The following PIGH variants were observed in gnomAD, a reference collection of about 807,000 sequenced individuals.
PIGH encodes the protein phosphatidylinositol glycan anchor biosynthesis class H.
Under a neutral mutation model 20.1 loss-of-function variants are expected in PIGH, and 11 were observed. That is an observed-to-expected ratio of 0.55 (90% CI 0.34 to 0.91). PIGH has a LOEUF of 0.91. Ranked by LOEUF, PIGH falls within the 40% of genes least tolerant of loss-of-function variation. PIGH has a pLI of 0.02. For synonymous variants in PIGH, 72 were observed against 93.1 expected (o/e 0.77, Z 1.31); for missense variants, 189 against 233.6 (o/e 0.81, Z 1.24).
intron 1 of PIGH, among the ~76,000 whole-genome samples, chr14:67,597,352 C>T (rs2036493413): frequency 6.6e-6 from 1 of 152,102 alleles, no homozygotes; most frequent in South Asian, 2.1e-4. Flanking sequence ...GTGGCACATG[C>T]CTGTAGTCCC....
Position 67,590,158 on chromosome 14 carries a change from C to T in PIGH, c.489G>A (p.Arg163=), listed in dbSNP as rs754777654. ...TGTATACTTCAATCAAGCAGTCCAG[C>T]CGGGGCTTGGCACTCTGAATTCCAA... The part of the protein sequence containing the change: ...VVPVFQSAKP[R]LDCLIEVYRS... Residue 163 remains arginine, a synonymous_variant, in exon 4 of 4, where the codon CGG becomes CGA. Coordinates refer to ENST00000216452, the MANE Select transcript of PIGH (RefSeq NM_004569.5). The T allele has an allele frequency of 1.3e-6, 2 of 1,550,482 alleles. No homozygotes were observed. Among genetic ancestry groups the T allele is most frequent in the Non-Finnish European group, 1.7e-6 (2 of 1,146,658 alleles).
At chr14:67,592,318 T>C (rs2036387397) in intron 3 of PIGH, 1 of 436,268 alleles carries the variant, frequency 2.3e-6, no homozygotes, top group Non-Finnish European at 4.2e-6. Flanking sequence ...TGCACACCTG[T>C]AGTCCCAAGT....
chr14:67,590,409 C>G (rs952846814), intron 3 of PIGH, among the ~76,000 whole-genome samples: 1 of 152,002 alleles, frequency 6.6e-6, no homozygotes, highest in Non-Finnish European at 1.5e-5. Flanking sequence ...CTCGCCACCA[C>G]GCCCAGTGGC....
chr14:67,594,628 G>A (rs562306958), intron 1 of PIGH, among the ~76,000 whole-genome samples: 12 of 151,670 alleles, frequency 7.9e-5, no homozygotes, highest in African/African-American at 2.9e-4. Context: ...ACTCCAGCCT[G>A]ATGACAGAGT....
intron 1 of PIGH, among the ~76,000 whole-genome samples, chr14:67,597,251 G>A (rs1311682348): frequency 1.3e-5 from 2 of 152,252 alleles, no homozygotes; most frequent in African/African-American, 4.8e-5. Flanking sequence ...GCCAACATGG[G>A]GGGATCGCTT....
rs1751035094 is a variant in PIGH at position 67,589,478 on chromosome 14, A to G, written c.*602T>C. ...GAAAAGTATTAATGTGCTTGACACC[A>G]TGACTGAAATACTATGATCTTGTTT... On this transcript the variant is annotated 3_prime_UTR_variant, in exon 4 of 4. Coordinates refer to ENST00000216452, the MANE Select transcript of PIGH (RefSeq NM_004569.5). 3 of 985,226 alleles carry G rather than the reference A, an allele frequency of 3.0e-6. No individual in the cohort carries two copies. The highest frequency in any genetic ancestry group is 3.6e-6 in the Non-Finnish European group (3 of 829,708). 61.0% of individuals were successfully genotyped at this position (985,226 alleles called of 1,614,324 possible). A position where few individuals can be genotyped will look rare whatever the true frequency, so the allele number is the denominator to read the frequency against.
At chr14:67,599,867 G>A (rs1463906165) in intron 1 of PIGH, among the ~76,000 whole-genome samples, 157 bp downstream of exon 1, 1 of 152,208 alleles carries the variant, frequency 6.6e-6, no homozygotes, top group Non-Finnish European at 1.5e-5. Context: ...CTGTCCAGCA[G>A]CGGAATATCG....
chr14:67,599,700 T>C (rs1003993325), intron 1 of PIGH, among the ~76,000 whole-genome samples: 6 of 152,222 alleles, frequency 3.9e-5, no homozygotes, highest in African/African-American at 1.4e-4. Context: ...ATTAAATTAC[T>C]GCGCGCCTAT....
intron 1 of PIGH, among the ~76,000 whole-genome samples, chr14:67,594,367 A>G (rs1156732452): frequency 6.6e-6 from 1 of 152,188 alleles, no homozygotes; most frequent in Non-Finnish European, 1.5e-5. Flanking sequence ...GAAAGGACCC[A>G]GCCGAGTGAG....
intron 1 of PIGH, among the ~76,000 whole-genome samples, chr14:67,599,699 C>T (rs1482681637): frequency 1.3e-5 from 2 of 152,190 alleles, no homozygotes; most frequent in African/African-American, 4.8e-5. Context: ...AATTAAATTA[C>T]TGCGCGCCTA....
At chr14:67,593,973 A>T in intron 1 of PIGH, 21 bp from the exon 2 acceptor site, 2 of 1,542,984 alleles carry the variant, frequency 1.3e-6, no homozygotes, top group South Asian at 2.3e-5. Context: ...AGCCAGACAC[A>T]GACAGTAAGA....
In PIGH at chr14:67,600,093, CGA is replaced by C. The variant is rs1197884504; in HGVS notation, c.109_110del (p.Ser37AlafsTer49). ...AGGTGACAGCGGTGAGCGAACGCAG[CGA>C]GAGCCGAGGGCAGCTGAGGCAGAAT... ...REFCLSCPRL[S>X]LRSLTAVTCT... On this transcript the variant is annotated frameshift_variant, in exon 1 of 4. Transcript: ENST00000216452. LOFTEE classifies it high-confidence loss of function. The C allele has an allele frequency of 6.3e-7, 1 of 1,595,172 alleles. No individual in the cohort carries two copies. Among genetic ancestry groups the C allele is most frequent in the Non-Finnish European group, 8.5e-7 (1 of 1,171,258 alleles).
At chr14:67,593,540 A>G (rs1173756117) in intron 2 of PIGH, 1 of 550,332 alleles carries the variant, frequency 1.8e-6, no homozygotes, top group African/African-American at 1.9e-5. Context: ...AATGCCAGTG[A>G]TAATTTTGAA....
At position 67,593,589 on chromosome 14, in the gene PIGH, T is replaced by G. The variant is rs972185235; in HGVS notation, c.390+154A>C. ...ATAAAGTTGAAATGCTAATTCCCTATCCATGAAAACCTGCTGCATCTCTTT... is the reference window on the plus strand; with the variant it reads ...ATAAAGTTGAAATGCTAATTCCCTAGCCATGAAAACCTGCTGCATCTCTTT... On this transcript the variant is annotated intron_variant, in intron 2 of 3. Coordinates refer to ENST00000216452, the MANE Select transcript of PIGH (RefSeq NM_004569.5). 9 of 588,600 alleles carry G rather than the reference T, an allele frequency of 1.5e-5. No individual in the cohort carries two copies. The African/African-American group carries it at 1.7e-4, about 11-fold the overall frequency. 36.5% of individuals were successfully genotyped at this position (588,600 alleles called of 1,614,324 possible).
chr14:67,593,473 A>G (rs2036413357), intron 2 of PIGH: 1 of 370,074 alleles, frequency 2.7e-6, no homozygotes, highest in East Asian at 6.1e-5. Context: ...CCTGGGCAAC[A>G]GAGTGAGACC....
chr14:67,596,864 G>A (rs922360647), intron 1 of PIGH, among the ~76,000 whole-genome samples: 2 of 152,216 alleles, frequency 1.3e-5, no homozygotes, highest in South Asian at 2.1e-4. Flanking sequence ...TGCTATATTC[G>A]GAACTGAGGA....
chr14:67,592,722 TA>T lies in PIGH; in HGVS notation c.391-5del. ...AGAGGTAGTAAATCACCTTCTGCTG[TA>T]AGAAAATAAATCAAATAGCAAAGTC... On this transcript the variant is annotated splice_polypyrimidine_tract_variant and splice_region_variant and intron_variant, in intron 2 of 3. Transcript: ENST00000216452. The T allele has an allele frequency of 6.4e-7, 1 of 1,561,976 alleles. No homozygotes were observed. Among genetic ancestry groups the T allele is most frequent in the Non-Finnish European group, 8.8e-7 (1 of 1,136,162 alleles).
At chr14:67,597,052 T>C (rs1279959234) in intron 1 of PIGH, among the ~76,000 whole-genome samples, 1 of 152,256 alleles carries the variant, frequency 6.6e-6, no homozygotes, top group Admixed American at 6.5e-5. Context: ...TTTGGGCCTG[T>C]GGTCTGGTTT....
rs1214656099 is a variant in PIGH at position 67,600,186 on chromosome 14, G to A, written c.18C>T (p.Ser6=). 3.2e-6 allele frequency: 5 copies of A among 1,583,482 alleles called. No individual in the cohort carries two copies. The highest frequency in any genetic ancestry group is 4.3e-6 in the Non-Finnish European group (5 of 1,165,256). MEDER[S]FSDICGGRLA... is the part of the protein sequence containing the mutation. The stretch of plus-strand genomic sequence containing the variant: ...GGCGGCCGCCGCAGATATCCGAAAA[G>A]CTCCGCTCATCCTCCATGACGCCCC... Residue 6 remains serine, a synonymous_variant, in exon 1 of 4, where the codon AGC becomes AGT. Coordinates refer to ENST00000216452, the MANE Select transcript of PIGH (RefSeq NM_004569.5).
Sources: allele counts gnomAD v4.1 joint callset (sites outside exome capture counted in the v4.1 genomes callset), GRCh38; gene constraint gnomAD v4.1.1; transcripts MANE v1.5; gene names NCBI Gene and HGNC (gene_info 2026-07-23, HGNC 2026-07-21).